The following PDE11A variants were observed in gnomAD, a reference collection of about 807,000 sequenced individuals.
PDE11A encodes the protein dual 3',5'-cyclic-AMP and -GMP phosphodiesterase 11A.
PDE11A carries 100 observed loss-of-function variants against 100.5 expected under a neutral mutation model. The observed-to-expected ratio is 1.00, with a 90% confidence interval of 0.85 to 1.18. The LOEUF (loss-of-function observed/expected upper bound fraction) is 1.18, where lower values mean the gene tolerates loss of function less well. PDE11A is among the 50% of genes most tolerant of loss of function. The probability of loss-of-function intolerance (pLI) is 0.00; values close to 1 mark genes in which losing one functional copy is unlikely to be tolerated. For synonymous variants in PDE11A, 381 were observed against 420.8 expected (o/e 0.91, Z 1.16); for missense variants, 1,141 against 1,152.6 (o/e 0.99, Z 0.15).
At chr2:178,006,598 G>A (rs748799832) in intron 2 of PDE11A, among the ~76,000 whole-genome samples, 1 of 151,986 alleles carries the variant, frequency 6.6e-6, no homozygotes, top group Non-Finnish European at 1.5e-5. Context: ...GTGCTGTGTT[G>A]GTAATAGTTT....
In PDE11A at chr2:177,648,234, G is replaced by C. The variant is rs1029591226; in HGVS notation, c.2646+15632C>G. ...GCTGGCCTTCTCTTTGTCCTAGAAA[G>C]GGGCCAGTCTGTCTACTGGAAGACC... On this transcript the variant is annotated intron_variant, in intron 19 of 19. Transcript: ENST00000286063. Among the ~76,000 whole-genome samples, 6 of 152,314 alleles carry C rather than the reference G, an allele frequency of 3.9e-5. No homozygotes were observed. The East Asian group carries it at 1.2e-3, about 29-fold the overall frequency.
At chr2:177,859,408 A>T (rs1415670619) in intron 5 of PDE11A, among the ~76,000 whole-genome samples, 1 of 151,776 alleles carries the variant, frequency 6.6e-6, no homozygotes, top group Non-Finnish European at 1.5e-5. Context: ...ATTTGATATT[A>T]AAAAAAGAAA....
intron 6 of PDE11A, among the ~76,000 whole-genome samples, chr2:177,828,478 C>T (rs1329895278): frequency 6.6e-6 from 1 of 151,676 alleles, no homozygotes; most frequent in Non-Finnish European, 1.5e-5. Flanking sequence ...AGATGGTAAA[C>T]AATACAAAGA....
chr2:177,719,435 T>G (rs1196766294), intron 12 of PDE11A, among the ~76,000 whole-genome samples: 1 of 152,098 alleles, frequency 6.6e-6, no homozygotes, highest in Admixed American at 6.5e-5. Flanking sequence ...CCTAGGTGGA[T>G]TGGCTAAGGT....
At chr2:177,852,525 T>C (rs1329732324) in intron 5 of PDE11A, among the ~76,000 whole-genome samples, 2 of 152,164 alleles carry the variant, frequency 1.3e-5, no homozygotes, top group Non-Finnish European at 2.9e-5. Context: ...CCTGGAGCCC[T>C]TCCTGAAGCC....
chr2:177,817,458 T>G (rs1490081184), intron 8 of PDE11A, among the ~76,000 whole-genome samples: 1 of 152,200 alleles, frequency 6.6e-6, no homozygotes, highest in Non-Finnish European at 1.5e-5. Flanking sequence ...CATTCAAGGC[T>G]AGCTTCTCCA....
chr2:177,963,323 G>A (rs1255084501), intron 2 of PDE11A, among the ~76,000 whole-genome samples: 2 of 152,094 alleles, frequency 1.3e-5, no homozygotes, highest in Non-Finnish European at 2.9e-5. Context: ...ACCTGAGTGT[G>A]TGCTAGTGTA....
chr2:177,991,386 A>G (rs2086002325), intron 2 of PDE11A, among the ~76,000 whole-genome samples: 1 of 150,716 alleles, frequency 6.6e-6, no homozygotes, highest in Admixed American at 6.6e-5. Flanking sequence ...CTGTAATCCC[A>G]GCACTTTGGG....
chr2:178,059,052 A>G (rs2086934445), intron 1 of PDE11A, among the ~76,000 whole-genome samples: 1 of 152,150 alleles, frequency 6.6e-6, no homozygotes, highest in Non-Finnish European at 1.5e-5. Flanking sequence ...GAAATTCTTA[A>G]TAATTTTATT....
At chr2:177,632,330 G>C (rs1188423819) in intron 19 of PDE11A, among the ~76,000 whole-genome samples, 1 of 152,148 alleles carries the variant, frequency 6.6e-6, no homozygotes, top group Non-Finnish European at 1.5e-5. Context: ...GAACTTCTGA[G>C]GACACATTGA....
chr2:177,702,326 A>G (rs982385772), intron 13 of PDE11A, among the ~76,000 whole-genome samples: 1 of 152,066 alleles, frequency 6.6e-6, no homozygotes, highest in Non-Finnish European at 1.5e-5. Context: ...AAAAAAAAAA[A>G]AAAGTTCAAA....
At chr2:177,859,702 AG>A (rs906920757) in intron 5 of PDE11A, among the ~76,000 whole-genome samples, 2 of 151,912 alleles carry the variant, frequency 1.3e-5, no homozygotes, top group Non-Finnish European at 2.9e-5. Context: ...TCCCTAGGAT[AG>A]CCCATACTTT....
chr2:177,867,338 T>G (rs2084047261), intron 5 of PDE11A, among the ~76,000 whole-genome samples: 1 of 152,166 alleles, frequency 6.6e-6, no homozygotes, highest in Non-Finnish European at 1.5e-5. Context: ...AACCTTCTGG[T>G]GCATAGAGGT....
chr2:177,674,039 T>C (rs2080728177), intron 17 of PDE11A, among the ~76,000 whole-genome samples: 1 of 152,160 alleles, frequency 6.6e-6, no homozygotes. Flanking sequence ...AATGATAACA[T>C]AGCCTATTCT....
At position 177,850,969 on chromosome 2, in the gene PDE11A, A is replaced by T. The variant is rs189547066; in HGVS notation, c.1368-10586T>A. 4.4e-3 allele frequency among the ~76,000 whole-genome samples: 667 copies of T among 152,350 alleles called. 2 individuals carry two copies. The highest frequency in any genetic ancestry group is 0.015 in the African/African-American group (641 of 41,566). On this transcript the variant is annotated intron_variant, in intron 5 of 19. Coordinates refer to ENST00000286063, the MANE Select transcript of PDE11A (RefSeq NM_016953.4). ...TAAACTAGTTCAACCATTGTGGAAGACAGTGTGGCGACTCCTCAAGGATCT... is the reference window on the plus strand; with the variant it reads ...TAAACTAGTTCAACCATTGTGGAAGTCAGTGTGGCGACTCCTCAAGGATCT...
chr2:178,076,755 T>G (rs895707891), upstream of PDE11A, among the ~76,000 whole-genome samples: 3 of 152,248 alleles, frequency 2.0e-5, no homozygotes, highest in Non-Finnish European at 1.5e-5. Context: ...CTCACAATTC[T>G]GTAGGTTAAC....
intron 19 of PDE11A, among the ~76,000 whole-genome samples, chr2:177,657,017 A>T (rs752903523): frequency 4.6e-5 from 7 of 152,322 alleles, no homozygotes; most frequent in Non-Finnish European, 8.8e-5. Flanking sequence ...AGATGGTGAT[A>T]GTAACCTGAG....
intron 17 of PDE11A, among the ~76,000 whole-genome samples, chr2:177,671,905 C>T (rs4893979): frequency 0.8 from 120,689 of 151,768 alleles, 48,953 homozygotes; most frequent in East Asian, 0.95. Flanking sequence ...CTCCTTGAGT[C>T]CTTGACATGC....
chr2:177,679,283 G>A (rs2080825333), intron 16 of PDE11A, among the ~76,000 whole-genome samples: 1 of 152,068 alleles, frequency 6.6e-6, no homozygotes, highest in Non-Finnish European at 1.5e-5. Flanking sequence ...ACTGTGCAAC[G>A]ATAAAAGATG....
Sources: gnomAD v4.1 joint callset for allele counts (sites outside exome capture counted in the v4.1 genomes callset) on GRCh38, gnomAD v4.1.1 for gene constraint, MANE v1.5 for transcripts, NCBI Gene and HGNC (gene_info 2026-07-23, HGNC 2026-07-21) for gene names.